The following DYSF variants were observed in gnomAD, a reference collection of about 807,000 sequenced individuals.
DYSF encodes dystrophy-associated fer-1-like 1.
A neutral mutation model predicts 274.9 loss-of-function variants in DYSF; 212 were observed. The ratio of observed to expected loss-of-function variants is 0.77; its 90% CI spans 0.69 to 0.86. The LOEUF (loss-of-function observed/expected upper bound fraction) is 0.86. DYSF is among the 40% of genes least tolerant of loss of function. The pLI is 0.00. For synonymous variants in DYSF, 1,091 were observed against 1,078.7 expected (o/e 1.01, Z -0.22); for missense variants, 2,666 against 2,783.2 (o/e 0.96, Z 0.95).
chr2:71,554,262 G>A lies in DYSF; in HGVS notation c.2109+331G>A, dbSNP rs180840064. The stretch of plus-strand genomic sequence containing the variant: ...CTTACTCACTCATTACAGGCCTTTG[G>A]ACTCGTAATGCACACAAGGGCTTGT... On this transcript the variant is annotated intron_variant, in intron 21 of 55. Coordinates refer to ENST00000410020, the MANE Select transcript of DYSF (RefSeq NM_001130987.2). Among the ~76,000 whole-genome samples the A allele has an allele frequency of 4.6e-5, 7 of 152,298 alleles. No individual in the cohort carries two copies. In the East Asian group the frequency reaches 1.4e-3, roughly 29 times the overall value.
chr2:71,518,187 A>G lies in DYSF; in HGVS notation c.1002+1148A>G, dbSNP rs143921445. The stretch of plus-strand genomic sequence containing the variant: ...AGTCCTCTTCTGAGAACCGAGAGCC[A>G]ATGGATTTAACAGATTACGTAAAGT... On this transcript the variant is annotated intron_variant, in intron 10 of 55. Coordinates refer to ENST00000410020, the MANE Select transcript of DYSF (RefSeq NM_001130987.2). 1.1e-3 allele frequency among the ~76,000 whole-genome samples: 163 copies of G among 152,264 alleles called. 1 individual carries two copies. The highest frequency in any genetic ancestry group is 9.3e-3 in the East Asian group (48 of 5,184).
At chr2:71,642,055 T>G (rs1297450668) in intron 41 of DYSF, among the ~76,000 whole-genome samples, 5 of 152,210 alleles carry the variant, frequency 3.3e-5, no homozygotes, top group Non-Finnish European at 7.3e-5. Context: ...GAAATTTACT[T>G]GGTTATTCAG....
rs1032005664 is a variant in DYSF at position 71,660,606 on chromosome 2, A to G, written c.4958A>G (p.Asp1653Gly). ...KISIGKKSVS[D>G]QDNYIPCTLE... ...TCCATAGGGAAGAAATCAGTGAGTGACCAGGATAACTACATCCCCTGCACG... is the reference window on the plus strand; with the variant it reads ...TCCATAGGGAAGAAATCAGTGAGTGGCCAGGATAACTACATCCCCTGCACG... Residue 1653 changes from aspartate (D) to glycine (G), a missense_variant, in exon 45 of 56, where the codon GAC becomes GGC. Transcript: ENST00000410020. 1.2e-6 allele frequency: 2 copies of G among 1,614,066 alleles called. No homozygotes were observed. The highest frequency in any genetic ancestry group is 2.7e-5 in the African/African-American group (2 of 74,940).
intron 41 of DYSF, among the ~76,000 whole-genome samples, chr2:71,640,604 C>T (rs1039340772): frequency 6.6e-6 from 1 of 152,202 alleles, no homozygotes; most frequent in African/African-American, 2.4e-5. Flanking sequence ...TGGGTTTCCT[C>T]TCCTGACTCA....
intron 10 of DYSF, among the ~76,000 whole-genome samples, chr2:71,518,568 A>T (rs1487609641): frequency 1.3e-5 from 2 of 151,664 alleles, no homozygotes; most frequent in African/African-American, 2.4e-5. Context: ...CCTGGCCTGC[A>T]TGGTGTTTTA....
chr2:71,579,810 C>T (rs375807002), intron 30 of DYSF, among the ~76,000 whole-genome samples: 5 of 152,238 alleles, frequency 3.3e-5, no homozygotes, highest in South Asian at 4.1e-4. Flanking sequence ...TCAGTAGCCA[C>T]ACCTGCCGAG....
At chr2:71,455,174 G>A (rs2081006296) in intron 1 of DYSF, among the ~76,000 whole-genome samples, 2 of 152,200 alleles carry the variant, frequency 1.3e-5, no homozygotes, top group Admixed American at 6.5e-5. Context: ...TGCACACCCT[G>A]GAGCGTGTGG....
intron 4 of DYSF, among the ~76,000 whole-genome samples, chr2:71,508,647 C>T (rs2085756063): frequency 1.3e-5 from 2 of 152,268 alleles, no homozygotes; most frequent in Middle Eastern, 3.4e-3. Flanking sequence ...GCGTGGCTGT[C>T]TTTGTGCCCT....
intron 13 of DYSF, among the ~76,000 whole-genome samples, chr2:71,527,949 G>C (rs1418752301): frequency 6.6e-6 from 1 of 152,196 alleles, no homozygotes; most frequent in Non-Finnish European, 1.5e-5. Flanking sequence ...CACCAATAAT[G>C]GGATATTGTT....
In DYSF at chr2:71,551,106, A is replaced by G; in HGVS notation, c.1642A>G (p.Arg548Gly). The G allele has an allele frequency of 5.0e-6, 8 of 1,614,138 alleles. No homozygotes were observed. The highest frequency in any genetic ancestry group is 6.8e-6 in the Non-Finnish European group (8 of 1,179,998). Reference sequence around the variant, plus strand: ...CTACATCAACCTCTATGGCAGTCCCAGAGAGTTCACAGGCTTCCCAGACCC... The same window carrying G: ...CTACATCAACCTCTATGGCAGTCCCGGAGAGTTCACAGGCTTCCCAGACCC... ...PCYINLYGSP[R>G]EFTGFPDPYT... is the part of the protein sequence containing the mutation. Residue 548 changes from arginine to glycine, a missense_variant, in exon 18 of 56, where the codon AGA becomes GGA. Arg to Gly is a moderately radical substitution (Grantham distance 125). This residue lies in a region of DYSF where 794 missense variants were observed against 777.1 expected (regional missense o/e 1.02). Coordinates refer to ENST00000410020, the MANE Select transcript of DYSF (RefSeq NM_001130987.2).
chr2:71,480,310 G>A (rs371411448), intron 1 of DYSF, among the ~76,000 whole-genome samples: 1 of 152,222 alleles, frequency 6.6e-6, no homozygotes, highest in South Asian at 2.1e-4. Context: ...AAGGTGGGAG[G>A]ATCGCTTGAG....
At chr2:71,487,804 T>C (rs577697026) in intron 3 of DYSF, among the ~76,000 whole-genome samples, 1 of 152,304 alleles carries the variant, frequency 6.6e-6, no homozygotes, top group South Asian at 2.1e-4. Flanking sequence ...CCACTGTGCC[T>C]GGTCTGATGC....
At position 71,470,689 on chromosome 2, in the gene DYSF, A is replaced by AG. The variant is rs1402629641; in HGVS notation, c.91+3756_91+3757insG. Among the ~76,000 whole-genome samples, 232 of 148,680 alleles carry AG rather than the reference A, an allele frequency of 1.6e-3. 2 individuals are homozygous for AG. The highest frequency in any genetic ancestry group is 5.4e-3 in the African/African-American group (218 of 40,396). ...ACTCCATCTCAAAAAAAAAAAAAAA[A>AG]AAAAGAAAAGAGCTTTCTCTTCTCT... On this transcript the variant is annotated intron_variant, in intron 1 of 55. Coordinates refer to ENST00000410020, the MANE Select transcript of DYSF (RefSeq NM_001130987.2).
chr2:71,626,949 G>T (rs2094217364), intron 41 of DYSF, among the ~76,000 whole-genome samples: 1 of 151,158 alleles, frequency 6.6e-6, no homozygotes. Flanking sequence ...AAAAATATTG[G>T]TGTAATATTT....
At chr2:71,631,605 A>G (rs2094313860) in intron 41 of DYSF, among the ~76,000 whole-genome samples, 1 of 152,178 alleles carries the variant, frequency 6.6e-6, no homozygotes, top group Non-Finnish European at 1.5e-5. Flanking sequence ...GACAAGTGAA[A>G]GCACAGGGGG....
At position 71,681,124 on chromosome 2, in the gene DYSF, C is replaced by A; in HGVS notation, c.6173+14C>A. Reference sequence around the variant, plus strand: ...TGAGGACCCAAGGTCAGTGCCCAGCCCCTGAGCCCCAATGCCCACAGGTCT... The same window carrying A: ...TGAGGACCCAAGGTCAGTGCCCAGCACCTGAGCCCCAATGCCCACAGGTCT... On this transcript the variant is annotated intron_variant, in intron 54 of 55. Coordinates refer to ENST00000410020, the MANE Select transcript of DYSF (RefSeq NM_001130987.2). The A allele has an allele frequency of 2.5e-6, 4 of 1,611,476 alleles. No individual in the cohort carries two copies. The highest frequency in any genetic ancestry group is 3.4e-6 in the Non-Finnish European group (4 of 1,178,340).
intron 17 of DYSF, chr2:71,549,253 TCTGC>T (rs1229743258): frequency 7.4e-6 from 9 of 1,214,366 alleles, no homozygotes; most frequent in Non-Finnish European, 1.1e-5. Flanking sequence ...TTTCCATCTG[TCTGC>T]CTGCCAGCTC....
In DYSF at chr2:71,612,817, G is replaced by A. The variant is rs867946204; in HGVS notation, c.4387+11G>A. 1 of 1,605,868 alleles carries A rather than the reference G, an allele frequency of 6.2e-7. No individual in the cohort carries two copies. On this transcript the variant is annotated intron_variant, in intron 39 of 55. Coordinates refer to ENST00000410020, the MANE Select transcript of DYSF (RefSeq NM_001130987.2). ...CACAGGGTGGCCCAGGTAGGGGAAGGGGAGATGATGGGCAGGTCAGGGAAG... is the reference window on the plus strand; with the variant it reads ...CACAGGGTGGCCCAGGTAGGGGAAGAGGAGATGATGGGCAGGTCAGGGAAG...
At chr2:71,560,728 T>C (rs2091688469) in intron 22 of DYSF, among the ~76,000 whole-genome samples, 1 of 152,038 alleles carries the variant, frequency 6.6e-6, no homozygotes, top group Non-Finnish European at 1.5e-5. Context: ...TCGGGGAAAT[T>C]GGCAGAAAAA....
Sources: gnomAD v4.1 joint callset for allele counts (sites outside exome capture counted in the v4.1 genomes callset) on GRCh38, gnomAD v4.1.1 for gene constraint, gnomAD v4.1.1 regional missense constraint, MANE v1.5 for transcripts, NCBI Gene and HGNC (gene_info 2026-07-23, HGNC 2026-07-21) for gene names.